REC114: variants seen among roughly 807,000 people sequenced by gnomAD.
REC114 encodes REC114 meiotic recombination protein.
A neutral mutation model predicts 31.3 loss-of-function variants in REC114; 27 were observed. That is an observed-to-expected ratio of 0.86 (90% CI 0.64 to 1.19). REC114 has a LOEUF of 1.19. Ranked by LOEUF, REC114 falls within the 50% of genes most tolerant of loss-of-function variation. The pLI is 0.00. For missense variants in REC114, 344 were observed against 326.9 expected, an observed-to-expected ratio of 1.05 and a Z score of -0.40; for synonymous variants, 134 against 127.7, an observed-to-expected ratio of 1.05 and a Z score of -0.33.
At chr15:73,500,679 AT>A in intron 2 of REC114, among the ~76,000 whole-genome samples, 1 of 147,924 alleles carries the variant, frequency 6.8e-6, no homozygotes, top group East Asian at 2.0e-4. Flanking sequence ...GTTACAGCTC[AT>A]TTTTTAAATG....
intron 2 of REC114, among the ~76,000 whole-genome samples, chr15:73,489,308 A>T (rs1469851599): frequency 6.6e-6 from 1 of 151,228 alleles, no homozygotes; most frequent in Non-Finnish European, 1.5e-5. Context: ...GGTTCAAGCA[A>T]TTCTCCTGCC....
intron 2 of REC114, among the ~76,000 whole-genome samples, chr15:73,497,635 G>T (rs1370163594): frequency 6.6e-6 from 1 of 152,132 alleles, no homozygotes; most frequent in Non-Finnish European, 1.5e-5. Context: ...CCTGCTTGTG[G>T]TATATAAATA....
At position 73,529,857 on chromosome 15, in the gene REC114, G is replaced by A. The variant is rs187860370; in HGVS notation, c.250-10628G>A. Among the ~76,000 whole-genome samples, 5 of 152,236 alleles carry A rather than the reference G, an allele frequency of 3.3e-5. No individual in the cohort carries two copies. In the East Asian group the frequency reaches 7.7e-4, roughly 24 times the overall value. ...GGCAGGGACCATTTGACTTTGATCT[G>A]TAGTGTCAGTTATAGGACATAGCAC... is the stretch of plus-strand genomic sequence containing the variant. On this transcript the variant is annotated intron_variant, in intron 2 of 5. Coordinates refer to ENST00000331090, the MANE Select transcript of REC114 (RefSeq NM_001042367.2).
At chr15:73,459,987 G>C (rs1892967749) in intron 1 of REC114, among the ~76,000 whole-genome samples, 1 of 152,082 alleles carries the variant, frequency 6.6e-6, no homozygotes, top group Non-Finnish European at 1.5e-5. Flanking sequence ...ATGTTTAATT[G>C]AATTATGTCA....
intron 1 of REC114, among the ~76,000 whole-genome samples, chr15:73,466,211 A>G (rs1893056261): frequency 6.6e-6 from 1 of 152,022 alleles, no homozygotes; most frequent in Non-Finnish European, 1.5e-5. Flanking sequence ...ACAGACTGAT[A>G]TTTTATGAAA....
intron 2 of REC114, among the ~76,000 whole-genome samples, chr15:73,492,549 A>G (rs890824079): frequency 3.3e-5 from 5 of 152,218 alleles, no homozygotes; most frequent in African/African-American, 9.6e-5. Flanking sequence ...AAACATTAAC[A>G]TGCATATGAA....
chr15:73,491,133 A>T (rs1893435929), intron 2 of REC114, among the ~76,000 whole-genome samples: 1 of 82,280 alleles, frequency 1.2e-5, no homozygotes, highest in Admixed American at 1.3e-4. Context: ...TGGGGAAATT[A>T]TGAGTAGAGC....
intron 2 of REC114, chr15:73,483,563 G>A (rs980480118): frequency 2.6e-5 from 4 of 152,568 alleles, no homozygotes; most frequent in Non-Finnish European, 4.4e-5. Context: ...CTTTGGTCAA[G>A]GGAATAATTC....
At chr15:73,556,642 G>A (rs968854884) in intron 5 of REC114, among the ~76,000 whole-genome samples, 3 of 152,132 alleles carry the variant, frequency 2.0e-5, no homozygotes, top group African/African-American at 4.8e-5. Context: ...GAAATAAAAC[G>A]GGGAAAAGTG....
intron 2 of REC114, 72 bp from the exon 3 acceptor site, chr15:73,540,413 G>A (rs576352915): frequency 2.9e-6 from 3 of 1,048,980 alleles, no homozygotes; most frequent in South Asian, 1.3e-5. Context: ...TTTCTAACAG[G>A]AAGTAGCTGC....
At chr15:73,463,405 A>T (rs1000772942) in intron 1 of REC114, among the ~76,000 whole-genome samples, 2 of 152,148 alleles carry the variant, frequency 1.3e-5, no homozygotes, top group African/African-American at 4.8e-5. Flanking sequence ...TTTTCTTTAT[A>T]TATCATCTAG....
At position 73,475,833 on chromosome 15, in the gene REC114, C is replaced by G. The variant is rs561940239; in HGVS notation, c.249+1912C>G. On this transcript the variant is annotated intron_variant, in intron 2 of 5. Transcript: ENST00000331090. ...CAGTAGTGTACAGTAATGTCCTAGG[C>G]CATCACATTCATTCACCACTCACTC... 5.9e-5 allele frequency among the ~76,000 whole-genome samples: 9 copies of G among 152,220 alleles called. No individual in the cohort carries two copies. In the South Asian group the frequency reaches 1.9e-3, roughly 32 times the overall value.
chr15:73,473,706 A>G, intron 1 of REC114, 126 bp from the exon 2 acceptor site: 1 of 591,838 alleles, frequency 1.7e-6, no homozygotes, highest in Non-Finnish European at 2.9e-6. Context: ...AAATGAATGG[A>G]AAAGCAAAGA....
chr15:73,559,797 G>T lies in REC114; in HGVS notation c.682G>T (p.Ala228Ser), dbSNP rs768678550. Residue 228 changes from alanine to serine, a missense_variant, in exon 6 of 6, where the codon GCA becomes TCA. By Grantham distance (99) the Ala-to-Ser change is moderately conservative. Coordinates refer to ENST00000331090, the MANE Select transcript of REC114 (RefSeq NM_001042367.2). ...GCTGCCCCATGTCTATGAACAATCTGCATGGGGTGCAGAAGAGTTAGGCCC... is the reference window on the plus strand; with the variant it reads ...GCTGCCCCATGTCTATGAACAATCTTCATGGGGTGCAGAAGAGTTAGGCCC... ...EELPHVYEQS[A>S]WGAEELGPFL... 3 of 1,611,050 alleles carry T rather than the reference G, an allele frequency of 1.9e-6. No homozygotes were observed. The highest frequency in any genetic ancestry group is 2.5e-6 in the Non-Finnish European group (3 of 1,178,988).
intron 4 of REC114, among the ~76,000 whole-genome samples, chr15:73,552,677 TGTTC>T (rs1047845364): frequency 2.6e-5 from 4 of 152,226 alleles, no homozygotes; most frequent in Non-Finnish European, 4.4e-5. Context: ...CACCTACCTC[TGTTC>T]TTGAGATGAG....
At chr15:73,479,096 G>A (rs1267790278) in intron 2 of REC114, among the ~76,000 whole-genome samples, 2 of 151,838 alleles carry the variant, frequency 1.3e-5, no homozygotes, top group Non-Finnish European at 2.9e-5. Context: ...TTTCAATGTT[G>A]AATAGCAATG....
chr15:73,523,568 G>C (rs916942286), intron 2 of REC114, among the ~76,000 whole-genome samples: 4 of 152,172 alleles, frequency 2.6e-5, no homozygotes, highest in African/African-American at 9.7e-5. Flanking sequence ...CACAAATGTA[G>C]AAGTATGGAG....
At chr15:73,472,578 G>T (rs1434407072) in intron 1 of REC114, among the ~76,000 whole-genome samples, 1 of 152,016 alleles carries the variant, frequency 6.6e-6, no homozygotes, top group Non-Finnish European at 1.5e-5. Flanking sequence ...TGAACTTTGG[G>T]CATTAAGATG....
chr15:73,473,142 C>A (rs1893156431), intron 1 of REC114, among the ~76,000 whole-genome samples: 1 of 152,242 alleles, frequency 6.6e-6, no homozygotes, highest in Non-Finnish European at 1.5e-5. Flanking sequence ...GTAATCCCAG[C>A]ACTTTGGGAG....
Sources: allele counts gnomAD v4.1 joint callset (sites outside exome capture counted in the v4.1 genomes callset), GRCh38; gene constraint gnomAD v4.1.1; transcripts MANE v1.5; gene names NCBI Gene and HGNC (gene_info 2026-07-23, HGNC 2026-07-21).